MMP26: variants seen among roughly 807,000 people sequenced by gnomAD.
The protein encoded by MMP26 is matrix metallopeptidase 26, also known as matrix metalloproteinase-26.
MMP26 carries 33 observed loss-of-function variants against 31.0 expected under a neutral mutation model. That is an observed-to-expected ratio of 1.06 (90% CI 0.81 to 1.42). MMP26 has a LOEUF of 1.42. MMP26 is among the 40% of genes most tolerant of loss of function. MMP26 has a pLI of 0.00. For missense variants in MMP26, 347 were observed against 316.1 expected (o/e 1.10, Z -0.74); for synonymous variants, 122 against 114.9 (o/e 1.06, Z -0.40).
chr11:4,860,266 A>G, intron 2 of MMP26: 1 of 471,360 alleles, frequency 2.1e-6, no homozygotes. Context: ...CATCTGCATG[A>G]TGCATGCATC....
chr11:4,745,082 G>A (rs1343720251), intron 1 of MMP26, among the ~76,000 whole-genome samples: 1 of 151,968 alleles, frequency 6.6e-6, no homozygotes, highest in Non-Finnish European at 1.5e-5. Context: ...ATTAAAATTC[G>A]ATGTTATGAA....
At chr11:4,852,306 T>A (rs1043531753) in intron 2 of MMP26, among the ~76,000 whole-genome samples, 2 of 151,832 alleles carry the variant, frequency 1.3e-5, no homozygotes, top group Admixed American at 1.3e-4. Flanking sequence ...TTGAAAAAAA[T>A]ACACAAGGAA....
intron 2 of MMP26, chr11:4,769,443 A>G: frequency 6.2e-7 from 1 of 1,613,138 alleles, no homozygotes; most frequent in Non-Finnish European, 8.5e-7. Flanking sequence ...AGTAGTGGCA[A>G]TATTAGTACT....
chr11:4,821,280 A>C (rs1849493413), intron 2 of MMP26: 1 of 965,580 alleles, frequency 1.0e-6, no homozygotes, highest in African/African-American at 1.6e-5. Context: ...TGGGAAGCTA[A>C]AAAGAAAATT....
At chr11:4,723,639 C>T (rs778825487) in intron 1 of MMP26, 66 of 867,756 alleles carry the variant, frequency 7.6e-5, no homozygotes, top group Non-Finnish European at 1.1e-4. Context: ...ACTTATTGAT[C>T]TCATCCTCAT....
chr11:4,759,759 T>G (rs1212683138), intron 1 of MMP26, among the ~76,000 whole-genome samples: 3 of 152,212 alleles, frequency 2.0e-5, no homozygotes, highest in Non-Finnish European at 4.4e-5. Flanking sequence ...GTAGTGTTTC[T>G]TCATCTAATC....
intron 2 of MMP26, among the ~76,000 whole-genome samples, chr11:4,970,043 A>G (rs1420148342): frequency 6.6e-6 from 1 of 152,196 alleles, no homozygotes; most frequent in Non-Finnish European, 1.5e-5. Flanking sequence ...CATCTACATA[A>G]CATGTTTACA....
intron 2 of MMP26, chr11:4,882,695 C>T (rs1465141320): frequency 6.2e-7 from 1 of 1,613,990 alleles, no homozygotes; most frequent in East Asian, 2.2e-5. Context: ...GGCACACCGC[C>T]TCTTCCACTC....
At chr11:4,850,311 C>T (rs1052087488) in intron 2 of MMP26, among the ~76,000 whole-genome samples, 1 of 152,146 alleles carries the variant, frequency 6.6e-6, no homozygotes, top group South Asian at 2.1e-4. Context: ...CTTAATGCCT[C>T]TTTCAGAGTC....
chr11:4,799,782 A>G (rs1849156874), intron 2 of MMP26, among the ~76,000 whole-genome samples: 1 of 152,174 alleles, frequency 6.6e-6, no homozygotes. Flanking sequence ...AATATTCCCA[A>G]TCCAAAAGAG....
At chr11:4,706,636 A>G (rs1847784847) in intron 1 of MMP26, among the ~76,000 whole-genome samples, 1 of 151,926 alleles carries the variant, frequency 6.6e-6, no homozygotes, top group South Asian at 2.1e-4. Flanking sequence ...AACACTTAAC[A>G]TGAGATTTAC....
At chr11:4,963,459 G>A (rs1846548496) in intron 2 of MMP26, among the ~76,000 whole-genome samples, 1 of 152,138 alleles carries the variant, frequency 6.6e-6, no homozygotes, top group Non-Finnish European at 1.5e-5. Context: ...AAAGCCGGAG[G>A]CATCATACTA....
intron 2 of MMP26, among the ~76,000 whole-genome samples, chr11:4,878,835 G>T (rs889374113): frequency 6.6e-6 from 1 of 152,130 alleles, no homozygotes. Flanking sequence ...TACCTGATGT[G>T]TAACTTTATA....
chr11:4,915,690 G>T, intron 2 of MMP26: 2 of 1,551,300 alleles, frequency 1.3e-6, no homozygotes, highest in South Asian at 1.2e-5. Context: ...GGGGAAGGTG[G>T]GTGCCCTCCA....
chr11:4,860,215 A>G (rs1287745245), intron 2 of MMP26: 2 of 471,152 alleles, frequency 4.2e-6, no homozygotes, highest in East Asian at 1.4e-4. Flanking sequence ...CATGGACACT[A>G]GGACTCCTGA....
At chr11:4,766,550 T>G in intron 1 of MMP26, among the ~76,000 whole-genome samples, 1 of 152,188 alleles carries the variant, frequency 6.6e-6, no homozygotes, top group East Asian at 1.9e-4. Flanking sequence ...AGTTCATTCT[T>G]TCTGGCTATA....
At position 4,951,980 on chromosome 11, in the gene MMP26, G is replaced by A. The variant is rs573514338; in HGVS notation, c.-144-36088G>A. On this transcript the variant is annotated intron_variant, in intron 2 of 7. Transcript: ENST00000380390. ...ATAACAACTTCTTTGCAGCACTTAA[G>A]TGTCCTGTAGCTCACAAGGTTCCTA... Among the ~76,000 whole-genome samples the A allele has an allele frequency of 4.8e-5, 6 of 124,374 alleles. 1 individual carries two copies. Among genetic ancestry groups the A allele is most frequent in the Admixed American group, 2.7e-4 (3 of 11,132 alleles). The allele number at this position is 124,374 out of a possible 152,430, so 81.6% of individuals were successfully genotyped here. A position where few individuals can be genotyped will look rare whatever the true frequency, so the allele number is the denominator to read the frequency against.
intron 2 of MMP26, among the ~76,000 whole-genome samples, chr11:4,929,682 C>A (rs1312419500): frequency 6.6e-6 from 1 of 152,034 alleles, no homozygotes; most frequent in East Asian, 1.9e-4. Context: ...GCTCCAGTAG[C>A]AAAAGCTAGA....
intron 2 of MMP26, among the ~76,000 whole-genome samples, chr11:4,958,110 C>T (rs1402214583): frequency 6.6e-6 from 1 of 152,092 alleles, no homozygotes; most frequent in African/African-American, 2.4e-5. Context: ...CATGATGGCG[C>T]CAGCTCCTTC....
Sources: allele counts gnomAD v4.1 joint callset (sites outside exome capture counted in the v4.1 genomes callset), GRCh38; gene constraint gnomAD v4.1.1; transcripts MANE v1.5; gene names NCBI Gene and HGNC (gene_info 2026-07-23, HGNC 2026-07-21).